Variants in ERMP1 observed in about 807,000 individuals in gnomAD.
ERMP1 encodes Felix-ina.
A neutral mutation model predicts 92.0 loss-of-function variants in ERMP1; 86 were observed. The observed-to-expected ratio is 0.93, with a 90% confidence interval of 0.79 to 1.12. ERMP1 has a LOEUF of 1.12. ERMP1 is among the 50% of genes most tolerant of loss of function. The probability of loss-of-function intolerance (pLI) is 0.00; values close to 1 mark genes in which losing one functional copy is unlikely to be tolerated. For missense variants in ERMP1, 1,342 were observed against 1,116.3 expected (o/e 1.20, Z -2.88); for synonymous variants, 530 against 412.8 (o/e 1.28, Z -3.44).
At chr9:5,847,870 G>T (rs1301678859) in intron 6 of ERMP1, among the ~76,000 whole-genome samples, 1 of 151,256 alleles carries the variant, frequency 6.6e-6, no homozygotes, top group African/African-American at 2.4e-5. Context: ...ACTCCAGCCC[G>T]GGCGACAGAG....
intron 6 of ERMP1, among the ~76,000 whole-genome samples, chr9:5,850,427 A>AAAAAAAAAG (rs142972934): frequency 1.0e-4 from 15 of 144,624 alleles, no homozygotes; most frequent in Non-Finnish European, 1.4e-4. Context: ...AAAAAAAAAA[A>AAAAAAAAAG]AAGAAGAAGA....
intron 4 of ERMP1, among the ~76,000 whole-genome samples, chr9:5,818,661 C>T (rs1586807911): frequency 6.6e-6 from 1 of 151,364 alleles, no homozygotes; most frequent in Non-Finnish European, 1.5e-5. Flanking sequence ...ACCAGTGAGC[C>T]ATGACTGCTC....
chr9:5,817,279 T>G (rs560712456), intron 4 of ERMP1, among the ~76,000 whole-genome samples: 26 of 151,840 alleles, frequency 1.7e-4, no homozygotes, highest in African/African-American at 6.0e-4. Flanking sequence ...GACCTCTGCC[T>G]CCCGGGTTCA....
chr9:5,802,233 T>C (rs1828699810), intron 10 of ERMP1, among the ~76,000 whole-genome samples: 1 of 152,158 alleles, frequency 6.6e-6, no homozygotes, highest in Non-Finnish European at 1.5e-5. Context: ...GTGAGATGTG[T>C]GACCTAAGGC....
At chr9:5,866,897 G>C (rs1830683547) in intron 5 of ERMP1, among the ~76,000 whole-genome samples, 1 of 152,124 alleles carries the variant, frequency 6.6e-6, no homozygotes, top group Non-Finnish European at 1.5e-5. Flanking sequence ...TGTAAAATGG[G>C]ACTGGTAATA....
intron 6 of ERMP1, among the ~76,000 whole-genome samples, chr9:5,839,001 G>A (rs1830125662): frequency 6.6e-6 from 1 of 152,146 alleles, no homozygotes; most frequent in South Asian, 2.1e-4. Context: ...TCAGTCTCCA[G>A]CAACCCTGTG....
chr9:5,826,057 A>G (rs59345320), intron 2 of ERMP1, among the ~76,000 whole-genome samples: 1 of 152,212 alleles, frequency 6.6e-6, no homozygotes, highest in African/African-American at 2.4e-5. Flanking sequence ...CACAGAGTGA[A>G]ATACTTTTAG....
intron 8 of ERMP1, 67 bp from the exon 9 acceptor site, chr9:5,805,852 T>A: frequency 8.3e-7 from 1 of 1,208,760 alleles, no homozygotes; most frequent in Non-Finnish European, 1.1e-6. Context: ...TTTATTATAG[T>A]AACACACTTT....
At chr9:5,866,330 C>A (rs935951860) in intron 5 of ERMP1, among the ~76,000 whole-genome samples, 1 of 152,118 alleles carries the variant, frequency 6.6e-6, no homozygotes, top group Non-Finnish European at 1.5e-5. Context: ...ATTATCCAAA[C>A]AACATACCCA....
chr9:5,832,922 G>C lies in ERMP1; in HGVS notation c.106C>G (p.Gln36Glu), dbSNP rs1487575209. 1 of 1,561,922 alleles carries C rather than the reference G, an allele frequency of 6.4e-7. No individual in the cohort carries two copies. Among genetic ancestry groups the C allele is most frequent in the Non-Finnish European group, 8.6e-7 (1 of 1,165,072 alleles). The part of the protein sequence containing the change: ...APPPEREARA[Q>E]EPLVDGCSGG... ...CTGCACCCATCCACCAGAGGCTCCT[G>C]CGCTCGGGCCTCCCTCTCCGGCGGT... Residue 36 changes from glutamine (Q) to glutamate (E), a missense_variant, in exon 1 of 15, where the codon CAG becomes GAG. Gln to Glu is a conservative substitution (Grantham distance 29, BLOSUM62 2). Transcript: ENST00000339450.
Position 5,850,405 on chromosome 9 carries a change from C to CAAAAAA in ERMP1, n.3199+9057_3199+9062dup, listed in dbSNP as rs59464514. Among the ~76,000 whole-genome samples the CAAAAAA allele has an allele frequency of 1.6e-3, 63 of 40,424 alleles. 1 individual carries two copies. The highest frequency in any genetic ancestry group is 3.0e-3 in the East Asian group (3 of 996). The allele number at this position is 40,424 out of a possible 152,430, so 26.5% of individuals were successfully genotyped here. ...GGGCGACGAGAATGAAACTCCGTCT[C>CAAAAAA]AAAAAAAAAAAAAAAAAAAAAAAAG... On this transcript the variant is annotated intron_variant and non_coding_transcript_variant, in intron 6 of 6. Transcript: ENST00000690753.
chr9:5,839,383 C>G (rs948827206), intron 6 of ERMP1, among the ~76,000 whole-genome samples: 5 of 152,132 alleles, frequency 3.3e-5, no homozygotes, highest in African/African-American at 1.2e-4. Context: ...ACCCGGAAGT[C>G]TCTAGGGATT....
intron 4 of ERMP1, among the ~76,000 whole-genome samples, chr9:5,819,647 TA>T (rs1201445147): frequency 2.0e-5 from 3 of 152,344 alleles, no homozygotes; most frequent in African/African-American, 7.2e-5. Context: ...TTTCACAGTT[TA>T]CTATGGCACA....
chr9:5,837,550 A>C (rs1355704921), upstream of ERMP1, among the ~76,000 whole-genome samples: 1 of 152,220 alleles, frequency 6.6e-6, no homozygotes, highest in African/African-American at 2.4e-5. Flanking sequence ...CTATACATCA[A>C]AAACAGTCAC....
intron 13 of ERMP1, among the ~76,000 whole-genome samples, chr9:5,794,411 C>T (rs1048826317): frequency 2.6e-5 from 4 of 151,866 alleles, no homozygotes; most frequent in Non-Finnish European, 4.4e-5. Context: ...CCAAAGTAAA[C>T]AGAAGAAATA....
At position 5,825,206 on chromosome 9, in the gene ERMP1, A is replaced by G. The variant is rs769969848; in HGVS notation, c.654T>C (p.Asp218=). ...SVANSPGASD[D]AVSCSVMLEV... ...CCAGCATCACTGAGCAGCTAACTGC[A>G]TCATCACTGGCACCTTCAAATCAGA... The change falls in exon 3 of 15, where the codon GAT becomes GAC. Residue 218 remains aspartate, a synonymous_variant. Coordinates refer to ENST00000339450, the MANE Select transcript of ERMP1 (RefSeq NM_024896.3). 1 of 1,611,884 alleles carries G rather than the reference A, an allele frequency of 6.2e-7. No homozygotes were observed. The highest frequency in any genetic ancestry group is 1.1e-5 in the South Asian group (1 of 90,344).
chr9:5,855,240 T>C (rs559077517), intron 6 of ERMP1, among the ~76,000 whole-genome samples: 105 of 151,650 alleles, frequency 6.9e-4, no homozygotes, highest in Non-Finnish European at 1.1e-3. Flanking sequence ...GGAGAGACTC[T>C]ATGGAGTATG....
intron 13 of ERMP1, among the ~76,000 whole-genome samples, chr9:5,796,955 A>G (rs539705494): frequency 2.0e-5 from 3 of 152,312 alleles, no homozygotes; most frequent in African/African-American, 7.2e-5. Flanking sequence ...GCAAGACATT[A>G]ATAGAGGAAA....
chr9:5,840,106 G>C (rs560214245), intron 6 of ERMP1, among the ~76,000 whole-genome samples: 14 of 152,204 alleles, frequency 9.2e-5, no homozygotes, highest in Non-Finnish European at 1.8e-4. Flanking sequence ...ACCAGGCGTG[G>C]TGGCGCAGGC....
Sources: allele counts gnomAD v4.1 joint callset (sites outside exome capture counted in the v4.1 genomes callset), GRCh38; gene constraint gnomAD v4.1.1; transcripts MANE v1.5; gene names NCBI Gene and HGNC (gene_info 2026-07-23, HGNC 2026-07-21).